SYK: variants seen among roughly 807,000 people sequenced by gnomAD.
SYK encodes spleen associated tyrosine kinase.
In SYK, 16 loss-of-function variants were observed where a neutral mutation model predicts 77.8. The ratio of observed to expected loss-of-function variants is 0.21; its 90% CI spans 0.14 to 0.31. SYK has a LOEUF of 0.31. SYK is among the 10% of genes least tolerant of loss of function. The pLI, the probability that SYK is intolerant of heterozygous loss-of-function variation, is 1.00. For synonymous variants in SYK, 312 were observed against 308.7 expected, an observed-to-expected ratio of 1.01 and a Z score of -0.11; for missense variants, 529 against 814.4, an observed-to-expected ratio of 0.65 and a Z score of 4.26.
intron 1 of SYK, chr9:90,827,400 GA>G (rs935114930): frequency 3.3e-5 from 5 of 152,200 alleles, no homozygotes; most frequent in African/African-American, 9.7e-5. Context: ...CCTAATTACA[GA>G]CATCGTCCAG....
rs202087399 is a variant in SYK, at chr9:90,896,864, T to C, written c.*1264T>C. 5.0e-6 allele frequency: 1 copy of C among 200,938 alleles called. No homozygotes were observed. Among genetic ancestry groups the C allele is most frequent in the African/African-American group, 2.3e-5 (1 of 43,502 alleles). The allele number at this position is 200,938 out of a possible 1,614,324, so 12.4% of individuals were successfully genotyped here. Reference sequence around the variant, plus strand: ...CAATATGGTAAAACCCCATCTCTACTAAAAATACAAAAATTAGCCGGGCAT... The same window carrying C: ...CAATATGGTAAAACCCCATCTCTACCAAAAATACAAAAATTAGCCGGGCAT... On this transcript the variant is annotated 3_prime_UTR_variant, in exon 14 of 14. Coordinates refer to ENST00000375754, the MANE Select transcript of SYK (RefSeq NM_003177.7).
intron 3 of SYK, among the ~76,000 whole-genome samples, chr9:90,853,833 G>A (rs965095063): frequency 6.6e-6 from 1 of 151,616 alleles, no homozygotes; most frequent in African/African-American, 2.4e-5. Flanking sequence ...TAACTAACCT[G>A]CACATTGTGC....
At chr9:90,893,381 C>CTGTTT (rs1322655223) in intron 13 of SYK, among the ~76,000 whole-genome samples, 9 of 152,114 alleles carry the variant, frequency 5.9e-5, no homozygotes, top group Admixed American at 1.3e-4. Context: ...AGTATATTCT[C>CTGTTT]TGTTTTGTTT....
chr9:90,843,822 G>T, intron 1 of SYK, 36 bp from the exon 2 acceptor site: 1 of 1,394,942 alleles, frequency 7.2e-7, no homozygotes, highest in Non-Finnish European at 9.3e-7. Flanking sequence ...GCCACGTGGG[G>T]TCCTCACCAA....
At position 90,829,017 on chromosome 9, in the gene SYK, G is replaced by A. The variant is rs116626309; in HGVS notation, c.-41-14841G>A. Among the ~76,000 whole-genome samples, 857 of 152,306 alleles carry A rather than the reference G, an allele frequency of 5.6e-3. 7 individuals carry two copies. Among genetic ancestry groups the A allele is most frequent in the African/African-American group, 0.019 (794 of 41,554 alleles). On this transcript the variant is annotated intron_variant, in intron 1 of 13. Coordinates refer to ENST00000375754, the MANE Select transcript of SYK (RefSeq NM_003177.7). The stretch of plus-strand genomic sequence containing the variant: ...AAATCACCTGGGAAGCAGGCCAGGC[G>A]CAGAGGCTCACGCCTGTAATCCCAA...
intron 3 of SYK, among the ~76,000 whole-genome samples, chr9:90,851,002 T>G (rs1471343063): frequency 1.3e-5 from 2 of 152,186 alleles, no homozygotes; most frequent in Non-Finnish European, 2.9e-5. Context: ...GAACTATATG[T>G]GAAATCCACT....
At chr9:90,852,705 A>G (rs921560820) in intron 3 of SYK, among the ~76,000 whole-genome samples, 2 of 152,214 alleles carry the variant, frequency 1.3e-5, no homozygotes, top group Admixed American at 1.3e-4. Context: ...CCAACCAGTA[A>G]GTCACCAATG....
rs1240075957 is a variant in SYK at position 90,801,827 on chromosome 9, G to A, written c.-108G>A. ...GCCCGGCGGCTGAGGCCACCCCGGC[G>A]GCGGCTGGAGAGCGAGGAGGAGCGG... On this transcript the variant is annotated 5_prime_UTR_variant, in exon 1 of 14. Transcript: ENST00000375754. 1 of 152,310 alleles carries A rather than the reference G, an allele frequency of 6.6e-6. No homozygotes were observed. Among genetic ancestry groups the A allele is most frequent in the Non-Finnish European group, 1.5e-5 (1 of 68,134 alleles). 9.4% of individuals were successfully genotyped at this position (152,310 alleles called of 1,614,324 possible).
chr9:90,828,228 CA>C, intron 1 of SYK, among the ~76,000 whole-genome samples: 2 of 39,722 alleles, frequency 5.0e-5, no homozygotes, highest in African/African-American at 9.8e-5. Context: ...GCTGTGGCCT[CA>C]CCCCCGCCCC....
intron 1 of SYK, among the ~76,000 whole-genome samples, chr9:90,832,644 T>C (rs570297962): frequency 2.6e-5 from 4 of 152,222 alleles, no homozygotes; most frequent in Non-Finnish European, 5.9e-5. Flanking sequence ...TCCTAGAACC[T>C]AGCTCATACA....
intron 1 of SYK, among the ~76,000 whole-genome samples, chr9:90,818,653 G>A (rs1300963352): frequency 6.6e-6 from 1 of 152,194 alleles, no homozygotes; most frequent in East Asian, 1.9e-4. Context: ...ATACAGAACA[G>A]TGCAGTACCA....
In SYK at chr9:90,884,716, T is replaced by C. The variant is rs796551011; in HGVS notation, c.1582-3033T>C. On this transcript the variant is annotated intron_variant, in intron 11 of 13. Transcript: ENST00000375754. ...ATATGTGTACATGTACATATACACA[T>C]ATACACATATGTGTACATGTACATA... Among the ~76,000 whole-genome samples, 5 of 35,578 alleles carry C rather than the reference T, an allele frequency of 1.4e-4. 1 individual carries two copies. Among genetic ancestry groups the C allele is most frequent in the East Asian group, 3.2e-3 (1 of 310 alleles). 23.3% of individuals were successfully genotyped at this position (35,578 alleles called of 152,430 possible).
intron 11 of SYK, among the ~76,000 whole-genome samples, chr9:90,879,736 T>TTGGTGAGG (rs1828076185): frequency 6.6e-6 from 1 of 152,194 alleles, no homozygotes; most frequent in African/African-American, 2.4e-5. Flanking sequence ...GCCCCTTGGT[T>TTGGTGAGG]TGGTGAGGCA....
At chr9:90,884,208 TATATACACGC>T (rs1403594497) in intron 11 of SYK, among the ~76,000 whole-genome samples, 3 of 147,578 alleles carry the variant, frequency 2.0e-5, no homozygotes, top group African/African-American at 2.5e-5. Context: ...CATACGTGTA[TATATACACGC>T]ATATACACAT....
At chr9:90,851,565 G>A (rs1050849101) in intron 3 of SYK, among the ~76,000 whole-genome samples, 4 of 152,114 alleles carry the variant, frequency 2.6e-5, no homozygotes, top group African/African-American at 9.7e-5. Flanking sequence ...AGCACTGGAG[G>A]GGGAGTCCTC....
intron 12 of SYK, among the ~76,000 whole-genome samples, chr9:90,888,272 C>T (rs998885181): frequency 2.0e-5 from 3 of 152,118 alleles, no homozygotes; most frequent in African/African-American, 7.2e-5. Context: ...ATGAAACATA[C>T]CCATGAAATC....
intron 3 of SYK, among the ~76,000 whole-genome samples, chr9:90,861,282 C>T (rs757187442): frequency 5.3e-5 from 8 of 152,170 alleles, no homozygotes; most frequent in Non-Finnish European, 1.5e-5. Context: ...TGGCATCAGA[C>T]TCCTGTGTTT....
At chr9:90,850,741 G>A (rs545689152) in intron 3 of SYK, among the ~76,000 whole-genome samples, 8 of 149,552 alleles carry the variant, frequency 5.3e-5, no homozygotes, top group African/African-American at 2.0e-4. Context: ...TACGTGGAAA[G>A]TGGCATTGGT....
intron 1 of SYK, 92 bp downstream of exon 1, chr9:90,801,985 G>C (rs1245324850): frequency 2.0e-5 from 3 of 152,284 alleles, no homozygotes; most frequent in African/African-American, 4.8e-5. Flanking sequence ...GCCCTTTCTT[G>C]TTCTACCTTC....
Sources: gnomAD v4.1 joint callset for allele counts (sites outside exome capture counted in the v4.1 genomes callset) on GRCh38, gnomAD v4.1.1 for gene constraint, MANE v1.5 for transcripts, NCBI Gene and HGNC (gene_info 2026-07-23, HGNC 2026-07-21) for gene names.